Variants in FLNB observed in about 807,000 individuals in gnomAD.
FLNB encodes filamin-B.
A neutral mutation model predicts 250.6 loss-of-function variants in FLNB; 111 were observed. The observed-to-expected ratio is 0.44, with a 90% CI of 0.38 to 0.52. The LOEUF (loss-of-function observed/expected upper bound fraction) is 0.52. FLNB is among the 20% of genes least tolerant of loss of function. FLNB has a pLI of 0.00. For synonymous variants in FLNB, 1,302 were observed against 1,372.1 expected (o/e 0.95, Z 1.13); for missense variants, 2,869 against 3,447.8 (o/e 0.83, Z 4.20).
intron 2 of FLNB, chr3:58,078,194 T>C: frequency 9.1e-7 from 1 of 1,101,522 alleles, no homozygotes; most frequent in South Asian, 2.5e-5. Context: ...TATCCTCTTC[T>C]TTACTTCCAT....
intron 44 of FLNB, 70 bp downstream of exon 44, chr3:58,168,728 G>A (rs1222423931): frequency 9.2e-7 from 1 of 1,089,356 alleles, no homozygotes; most frequent in Non-Finnish European, 1.4e-6. Flanking sequence ...CAATCATAGT[G>A]GAAACTATGG....
intron 8 of FLNB, among the ~76,000 whole-genome samples, chr3:58,099,403 C>T (rs2097245347): frequency 6.6e-6 from 1 of 152,174 alleles, no homozygotes; most frequent in Non-Finnish European, 1.5e-5. Context: ...ATCAGTACTA[C>T]AAGGCATCAG....
intron 1 of FLNB, among the ~76,000 whole-genome samples, chr3:58,045,999 CAAAAAAA>C (rs34327981): frequency 4.3e-5 from 3 of 69,008 alleles, no homozygotes; most frequent in African/African-American, 1.6e-4. Context: ...ACTCCGTCTC[CAAAAAAA>C]AAAAAAAAAA....
intron 1 of FLNB, among the ~76,000 whole-genome samples, chr3:58,043,676 C>T (rs182965095): frequency 6.6e-6 from 1 of 152,240 alleles, no homozygotes; most frequent in Admixed American, 6.5e-5. Flanking sequence ...TTTATGCCTC[C>T]CAGGTCCAAA....
chr3:58,150,252 G>A (rs779223996), intron 38 of FLNB, 25 bp downstream of exon 38: 1 of 1,614,016 alleles, frequency 6.2e-7, no homozygotes, highest in East Asian at 2.2e-5. Flanking sequence ...CTAGTAGGGT[G>A]GGGAAGCCTT....
intron 42 of FLNB, among the ~76,000 whole-genome samples, chr3:58,160,642 T>C (rs2097359917): frequency 6.6e-6 from 1 of 152,196 alleles, no homozygotes. Context: ...AGACCTATGA[T>C]TACTGCCTTA....
At chr3:58,159,178 C>G (rs2097357706) in intron 41 of FLNB, among the ~76,000 whole-genome samples, 1 of 152,128 alleles carries the variant, frequency 6.6e-6, no homozygotes, top group South Asian at 2.1e-4. Context: ...GAGTGCATGA[C>G]TTTGTTAGCT....
chr3:58,123,180 G>A lies in FLNB; in HGVS notation c.3214G>A (p.Gly1072Ser). Residue 1072 changes from glycine to serine, a missense_variant, in exon 21 of 46, where the codon GGT becomes AGT. Transcript: ENST00000295956. ...TIDTKGAGTG[G>S]LGLTVEGPCE... is the part of the protein sequence containing the mutation. Reference sequence around the variant, plus strand: ...CGATACCAAAGGAGCTGGTACTGGAGGTCTGGGCTTAACGGTGGAAGGTCC... The same window carrying A: ...CGATACCAAAGGAGCTGGTACTGGAAGTCTGGGCTTAACGGTGGAAGGTCC... The A allele has an allele frequency of 6.2e-7, 1 of 1,614,064 alleles. No individual in the cohort carries two copies. The highest frequency in any genetic ancestry group is 8.5e-7 in the Non-Finnish European group (1 of 1,179,900).
intron 1 of FLNB, among the ~76,000 whole-genome samples, chr3:58,012,987 G>A (rs2097101176): frequency 6.6e-6 from 1 of 152,198 alleles, no homozygotes; most frequent in African/African-American, 2.4e-5. Flanking sequence ...TTCATTGTAA[G>A]GTAGGCCCCT....
chr3:58,132,830 G>T lies in FLNB; in HGVS notation c.4413G>T (p.Val1471=). The T allele has an allele frequency of 6.2e-7, 1 of 1,614,060 alleles. No homozygotes were observed. Among genetic ancestry groups the T allele is most frequent in the Non-Finnish European group, 8.5e-7 (1 of 1,180,000 alleles). ...CAGGCTTGGTGGAGCCAGTGAACGT[G>T]GTGGACAATGGAGATGGCACACACA... The part of the protein sequence containing the change: ...GPRGLVEPVN[V]VDNGDGTHTV... The change falls in exon 26 of 46, where the codon GTG becomes GTT. Residue 1471 remains valine (V), a synonymous_variant. Transcript: ENST00000295956.
intron 1 of FLNB, among the ~76,000 whole-genome samples, chr3:58,066,790 C>A (rs913435525): frequency 6.6e-6 from 1 of 152,086 alleles, no homozygotes; most frequent in Non-Finnish European, 1.5e-5. Flanking sequence ...TCCTGTTAAC[C>A]AGAAATAGGG....
chr3:58,009,451 C>T (rs1364843600), intron 1 of FLNB, among the ~76,000 whole-genome samples: 4 of 152,254 alleles, frequency 2.6e-5, no homozygotes, highest in African/African-American at 9.6e-5. Flanking sequence ...GGTGTGTGTC[C>T]TCGCTCTCTC....
chr3:58,138,650 T>TA (rs778336180), intron 29 of FLNB, 121 bp downstream of exon 29: 19 of 1,255,328 alleles, frequency 1.5e-5, no homozygotes, highest in Non-Finnish European at 2.1e-5. Flanking sequence ...AAAAATTTGT[T>TA]AAGCAGTCAT....
Position 58,171,080 on chromosome 3 carries a change from A to C in FLNB, c.*318A>C. On this transcript the variant is annotated 3_prime_UTR_variant, in exon 46 of 46. Transcript: ENST00000295956. This position sits in a 1 kb window ranked among gnomAD's most constrained non-coding sequence, Gnocchi z 5.5. ...ACACAATGAGACTGACATTTCAAAA[A>C]AACAAAACTGGCTAGCCTGAGCTGC... The C allele has an allele frequency of 3.2e-6, 1 of 316,898 alleles. No individual in the cohort carries two copies. The highest frequency in any genetic ancestry group is 2.1e-5 in the African/African-American group (1 of 46,804). 19.6% of individuals were successfully genotyped at this position (316,898 alleles called of 1,614,324 possible).
rs749138846 is a variant in FLNB, at chr3:58,124,525, G to A, written c.3898+20G>A. The A allele has an allele frequency of 5.6e-6, 9 of 1,613,674 alleles. No individual in the cohort carries two copies. Among genetic ancestry groups the A allele is most frequent in the East Asian group, 2.2e-5 (1 of 44,896 alleles). On this transcript the variant is annotated intron_variant, in intron 22 of 45. Transcript: ENST00000295956. ...AGAAAGGTGAGCCGCCCTGTCCTCG[G>A]ACTGGACCCTCGTTCAGAGCTGCCC...
intron 9 of FLNB, among the ~76,000 whole-genome samples, chr3:58,102,835 CTAAGAT>C (rs2097253291): frequency 6.6e-6 from 1 of 152,178 alleles, no homozygotes; most frequent in African/African-American, 2.4e-5. Context: ...ATAAAATTCC[CTAAGAT>C]TAAGTTTTCT....
chr3:58,166,657 CA>C (rs958079521), intron 43 of FLNB, among the ~76,000 whole-genome samples: 5 of 151,916 alleles, frequency 3.3e-5, no homozygotes, highest in Admixed American at 3.3e-4. Flanking sequence ...CCCATCTCTA[CA>C]AAAAAATTTA....
At chr3:58,073,837 T>C (rs1321021522) in intron 1 of FLNB, among the ~76,000 whole-genome samples, 1 of 152,210 alleles carries the variant, frequency 6.6e-6, no homozygotes, top group African/African-American at 2.4e-5. Flanking sequence ...AGGTCCCAGC[T>C]TTTTACTAGC....
At chr3:58,063,734 A>T (rs1435168834) in intron 1 of FLNB, among the ~76,000 whole-genome samples, 1 of 152,220 alleles carries the variant, frequency 6.6e-6, no homozygotes, top group African/African-American at 2.4e-5. Context: ...CAGCAGGCTA[A>T]TATGAGTTGT....
Sources: gnomAD v4.1 joint callset for allele counts (sites outside exome capture counted in the v4.1 genomes callset) on GRCh38, gnomAD v4.1.1 for gene constraint, Gnocchi (gnomAD v3.1) non-coding constraint, MANE v1.5 for transcripts, NCBI Gene and HGNC (gene_info 2026-07-23, HGNC 2026-07-21) for gene names.